GUCY2F: variants seen among roughly 807,000 people sequenced by gnomAD.
GUCY2F encodes the protein guanylate cyclase 2F, retinal.
Under a neutral mutation model 73.1 loss-of-function variants are expected in GUCY2F, and 61 were observed. That is an observed-to-expected ratio of 0.83 (90% CI 0.68 to 1.03). The LOEUF is 1.03. Ranked by LOEUF, GUCY2F falls within the 50% of genes least tolerant of loss-of-function variation. The probability of loss-of-function intolerance (pLI) is 0.00; values close to 1 mark genes in which losing one functional copy is unlikely to be tolerated. For missense variants in GUCY2F, 912 were observed against 854.3 expected, an observed-to-expected ratio of 1.07 and a Z score of -0.84; for synonymous variants, 331 against 307.8, an observed-to-expected ratio of 1.08 and a Z score of -0.79.
intron 2 of GUCY2F, among the ~76,000 whole-genome samples, chrX:109,472,967 G>T (rs891299264): frequency 5.4e-5 from 6 of 111,027 alleles, no homozygotes; most frequent in African/African-American, 2.0e-4. Context: ...CCATGTATGG[G>T]TATTACACAC....
rs1350489736 is a variant in GUCY2F, at chrX:109,417,208, TATAAC to T, written c.1792-8045_1792-8041del. Among the ~76,000 whole-genome samples, 3 of 111,354 alleles carry T rather than the reference TATAAC, an allele frequency of 2.7e-5. No homozygotes were observed. The Admixed American group carries it at 2.9e-4, about 11-fold the overall frequency. On this transcript the variant is annotated intron_variant, in intron 8 of 19. Coordinates refer to ENST00000218006, the MANE Select transcript of GUCY2F (RefSeq NM_001522.3). ...CAGAAATAGTAAATATGTTGATAAA[TATAAC>T]AGAATATATTTTTATTTCATTCTCT...
intron 10 of GUCY2F, among the ~76,000 whole-genome samples, chrX:109,401,050 G>C (rs886472548): frequency 1.8e-5 from 2 of 112,018 alleles, no homozygotes; most frequent in Admixed American, 1.9e-4. Flanking sequence ...TTACAAAATA[G>C]TATTTCCAAA....
At chrX:109,420,514 A>G (rs1464206842) in intron 8 of GUCY2F, among the ~76,000 whole-genome samples, 3 of 111,062 alleles carry the variant, frequency 2.7e-5, no homozygotes, top group Non-Finnish European at 5.7e-5. Context: ...GTTGCTCAAC[A>G]GAAGACATCA....
At chrX:109,437,880 A>G (rs111863412) in intron 7 of GUCY2F, among the ~76,000 whole-genome samples, 2,742 of 112,566 alleles carry the variant, frequency 0.024, 94 homozygotes, top group African/African-American at 0.084. Flanking sequence ...CCATCTGATT[A>G]CCCTATCTTA....
chrX:109,428,500 G>C (rs747950717), intron 8 of GUCY2F, among the ~76,000 whole-genome samples: 41 of 111,716 alleles, frequency 3.7e-4, no homozygotes, highest in South Asian at 1.1e-3. Flanking sequence ...GAAAAACAAA[G>C]AAAATCTGAG....
At position 109,375,901 on chromosome X, in the gene GUCY2F, A is replaced by G. The variant is rs368304990; in HGVS notation, c.3325T>C (p.Ter1109GlnextTer8). 8.3e-7 allele frequency: 1 copy of G among 1,199,926 alleles called. No homozygotes were observed. The highest frequency in any genetic ancestry group is 1.7e-5 in the African/African-American group (1 of 57,677). Residue 1109 changes from the stop codon to glutamine (Q), a stop_lost, in exon 19 of 20, where the codon TAA becomes CAA. Coordinates refer to ENST00000218006, the MANE Select transcript of GUCY2F (RefSeq NM_001522.3). ...AERQLVRNKP[*>Q] ...CTGTTTTCCTCCTGGCCATTACCTT[A>G]TGGCTTGTTTCTCACCAACTGCCTT...
intron 17 of GUCY2F, among the ~76,000 whole-genome samples, chrX:109,376,854 T>C (rs1033626081): frequency 8.9e-6 from 1 of 111,932 alleles, no homozygotes; most frequent in African/African-American, 3.2e-5. Context: ...CTCTTTCCAG[T>C]AAACTTTCCT....
chrX:109,445,291 A>G (rs1045261358), intron 6 of GUCY2F, among the ~76,000 whole-genome samples: 1 of 112,189 alleles, frequency 8.9e-6, no homozygotes, highest in African/African-American at 3.2e-5. Flanking sequence ...ACAAGCACCT[A>G]CTATATTATA....
intron 7 of GUCY2F, among the ~76,000 whole-genome samples, chrX:109,434,654 G>T (rs981168321): frequency 9.1e-6 from 1 of 109,761 alleles, no homozygotes; most frequent in African/African-American, 3.4e-5. Flanking sequence ...GTCAATTTTG[G>T]CTTTTGTTGC....
At position 109,382,117 on chromosome X, in the gene GUCY2F, C is replaced by G; in HGVS notation, c.3150+1G>C. On this transcript the variant is annotated splice_donor_variant, in intron 17 of 19. Coordinates refer to ENST00000218006, the MANE Select transcript of GUCY2F (RefSeq NM_001522.3). LOFTEE classifies it high-confidence loss of function. ...GCTCAAAAAACAAAAAGACATTATACCTTGAGCTCTGTTCTTCCTCGAAGC... is the reference window on the plus strand; with the variant it reads ...GCTCAAAAAACAAAAAGACATTATAGCTTGAGCTCTGTTCTTCCTCGAAGC... 8.9e-7 allele frequency: 1 copy of G among 1,120,108 alleles called. No homozygotes were observed. Among genetic ancestry groups the G allele is most frequent in the South Asian group, 1.8e-5 (1 of 54,586 alleles). The allele number at this position is 1,120,108 out of a possible 1,213,427, so 92.3% of individuals were successfully genotyped here.
In GUCY2F at chrX:109,376,175, T is replaced by C. The variant is rs1256383905; in HGVS notation, c.3151-8A>G. ...TTCCTCTGTGCCTTTGCCCTTATTA[T>C]AGAAAACATAAAAAATCTTAAGCCT... On this transcript the variant is annotated splice_polypyrimidine_tract_variant and splice_region_variant and intron_variant, in intron 17 of 19. Transcript: ENST00000218006. 8.9e-7 allele frequency: 1 copy of C among 1,128,358 alleles called. No homozygotes were observed. The highest frequency in any genetic ancestry group is 3.0e-5 in the East Asian group (1 of 33,495). 93.0% of individuals were successfully genotyped at this position (1,128,358 alleles called of 1,213,427 possible).
chrX:109,388,408 G>C (rs991663015), intron 15 of GUCY2F, 81 bp downstream of exon 15: 14 of 763,881 alleles, frequency 1.8e-5, no homozygotes, highest in Non-Finnish European at 2.7e-5. Context: ...GGAATCAGGG[G>C]AGAGCTATCT....
intron 8 of GUCY2F, among the ~76,000 whole-genome samples, chrX:109,416,332 G>A (rs961277070): frequency 5.4e-5 from 6 of 111,010 alleles, no homozygotes; most frequent in Non-Finnish European, 1.1e-4. Context: ...GAATATATGG[G>A]TATAGAACAT....
At chrX:109,402,598 C>T (rs779011872) in intron 10 of GUCY2F, among the ~76,000 whole-genome samples, 2 of 111,285 alleles carry the variant, frequency 1.8e-5, no homozygotes, top group South Asian at 7.6e-4. Context: ...GTCTCGAACT[C>T]CTGACCTCGT....
intron 12 of GUCY2F, among the ~76,000 whole-genome samples, chrX:109,395,135 A>G (rs1417460050): frequency 8.9e-6 from 1 of 112,012 alleles, no homozygotes; most frequent in Non-Finnish European, 1.9e-5. Context: ...CACTAGAACC[A>G]ATCTTTGGGC....
At chrX:109,426,954 G>A (rs907927062) in intron 8 of GUCY2F, among the ~76,000 whole-genome samples, 1 of 112,151 alleles carries the variant, frequency 8.9e-6, no homozygotes, top group African/African-American at 3.2e-5. Flanking sequence ...ATGGAGAGTA[G>A]ATGGAAGTAA....
chrX:109,417,967 G>A (rs764289668), intron 8 of GUCY2F, among the ~76,000 whole-genome samples: 1 of 99,196 alleles, frequency 1.0e-5, no homozygotes, highest in Non-Finnish European at 1.9e-5. Context: ...ATCATAAGAA[G>A]AATATTTGAT....
Position 109,404,406 on chromosome X carries a change from C to T in GUCY2F, c.2047G>A (p.Val683Ile). ...SRNCVVDGRF[V>I]LKVTDYGFND... ...AAGCCATAATCTGTCACTTTTAGTA[C>T]AAAACGCCCATCTACCACACAGTTT... Residue 683 changes from valine (V) to isoleucine (I), a missense_variant, in exon 10 of 20, where the codon GTA becomes ATA. Transcript: ENST00000218006. 8.4e-7 allele frequency: 1 copy of T among 1,186,674 alleles called. No individual in the cohort carries two copies. The highest frequency in any genetic ancestry group is 1.1e-6 in the Non-Finnish European group (1 of 872,786).
rs938760588 is a variant in GUCY2F, at chrX:109,441,425, A to G, written c.1627T>C (p.Ser543Pro). Reference protein sequence around the residue: ...QITSEVQSGRSPRLSFSSGSL... With the variant: ...QITSEVQSGRPPRLSFSSGSL... The stretch of plus-strand genomic sequence containing the variant: ...CCTGAAGAAAAGGAGAGTCTTGGGG[A>G]CCTCCCACTTTGGACCTCTGAGGTA... The change falls in exon 7 of 20, where the codon TCC becomes CCC. Residue 543 changes from serine (S) to proline (P), a missense_variant. Physicochemically the swap from Ser to Pro is moderately conservative, Grantham distance 74. Transcript: ENST00000218006. 8.6e-7 allele frequency: 1 copy of G among 1,159,506 alleles called. No individual in the cohort carries two copies. The highest frequency in any genetic ancestry group is 1.8e-5 in the African/African-American group (1 of 56,517).
Sources: gnomAD v4.1 joint callset for allele counts (sites outside exome capture counted in the v4.1 genomes callset) on GRCh38, gnomAD v4.1.1 for gene constraint, MANE v1.5 for transcripts, NCBI Gene and HGNC (gene_info 2026-07-23, HGNC 2026-07-21) for gene names.